PRIM2: variants seen among roughly 807,000 people sequenced by gnomAD.
The protein encoded by PRIM2 is DNA primase subunit 2.
In PRIM2, 39 loss-of-function variants were observed where a neutral mutation model predicts 67.3. That is an observed-to-expected ratio of 0.58 (90% confidence interval 0.45 to 0.76). PRIM2 has a LOEUF of 0.76. Among genes scored for constraint, PRIM2 ranks in the 30% least tolerant of loss-of-function variants. The pLI is 0.00. For missense variants in PRIM2, 398 were observed against 598.7 expected, an observed-to-expected ratio of 0.66 and a Z score of 3.50; for synonymous variants, 143 against 198.7, an observed-to-expected ratio of 0.72 and a Z score of 2.36.
At chr6:57,414,033 C>T (rs1771179339) in intron 7 of PRIM2, among the ~76,000 whole-genome samples, 1 of 152,038 alleles carries the variant, frequency 6.6e-6, no homozygotes, top group Admixed American at 6.6e-5. Context: ...TTGATGTGGA[C>T]TAGGCAGAAT....
the PRIM2 span, among the ~76,000 whole-genome samples, chr6:57,303,349 A>G: frequency 9.9e-5 from 15 of 151,984 alleles, no homozygotes; most frequent in Non-Finnish European, 2.1e-4. Flanking sequence ...CTGTCATCAT[A>G]TTTATTTATA....
intron 8 of PRIM2, among the ~76,000 whole-genome samples, chr6:57,521,873 C>A (rs1774631890): frequency 1.3e-5 from 2 of 151,548 alleles, no homozygotes; most frequent in African/African-American, 4.8e-5. Context: ...AGAGAAATAC[C>A]CCCTGAGGAT....
chr6:57,274,643 AC>A, the PRIM2 span, among the ~76,000 whole-genome samples: 1 of 152,056 alleles, frequency 6.6e-6, no homozygotes, highest in South Asian at 2.1e-4. Context: ...TCCTGCACCC[AC>A]TCACTGTCTG....
the PRIM2 span, among the ~76,000 whole-genome samples, chr6:57,306,363 T>C: frequency 2.6e-5 from 4 of 152,256 alleles, no homozygotes; most frequent in Admixed American, 2.0e-4. Context: ...AAGCTCCAGG[T>C]AGGATGAATT....
intron 10 of PRIM2, among the ~76,000 whole-genome samples, chr6:57,592,173 G>A (rs1776292025): frequency 1.3e-5 from 2 of 152,130 alleles, no homozygotes. Context: ...CTAGAGCCAG[G>A]AAAGAGGGAA....
intron 7 of PRIM2, among the ~76,000 whole-genome samples, chr6:57,448,822 C>G (rs1250121809): frequency 6.6e-6 from 1 of 152,102 alleles, no homozygotes; most frequent in Non-Finnish European, 1.5e-5. Flanking sequence ...GACATTAGGT[C>G]CTATTTATAA....
At chr6:57,329,179 G>T (rs978280245) in intron 5 of PRIM2, among the ~76,000 whole-genome samples, 4 of 150,092 alleles carry the variant, frequency 2.7e-5, no homozygotes, top group Non-Finnish European at 5.9e-5. Flanking sequence ...CTTGTCACTT[G>T]TGCTTTTGGT....
intron 8 of PRIM2, among the ~76,000 whole-genome samples, chr6:57,512,614 G>C (rs1334563120): frequency 9.3e-5 from 14 of 150,980 alleles, no homozygotes; most frequent in African/African-American, 3.4e-4. Context: ...TTTTTTTTGA[G>C]ACAAAGTCTC....
intron 7 of PRIM2, among the ~76,000 whole-genome samples, chr6:57,502,082 A>T (rs1774143616): frequency 1.3e-5 from 2 of 152,180 alleles, no homozygotes; most frequent in Admixed American, 6.5e-5. Flanking sequence ...GAACTATGTC[A>T]TGGTCACTCT....
intron 7 of PRIM2, among the ~76,000 whole-genome samples, chr6:57,401,933 G>T (rs1770721968): frequency 6.6e-6 from 1 of 152,210 alleles, no homozygotes; most frequent in Non-Finnish European, 1.5e-5. Flanking sequence ...GGGTAGCAAG[G>T]GCAGTTCTGC....
At chr6:57,618,020 C>T (rs1251869798) in intron 12 of PRIM2, among the ~76,000 whole-genome samples, 1 of 152,068 alleles carries the variant, frequency 6.6e-6, no homozygotes, top group Admixed American at 6.6e-5. Context: ...GGTCTTGCAC[C>T]CTTGTCAAAA....
At chr6:57,494,567 A>G (rs1457494863) in intron 7 of PRIM2, among the ~76,000 whole-genome samples, 3 of 152,188 alleles carry the variant, frequency 2.0e-5, no homozygotes, top group Admixed American at 2.0e-4. Context: ...TTAATACATT[A>G]AATTCAGGGG....
At chr6:57,355,269 A>C (rs1438666685) in intron 5 of PRIM2, among the ~76,000 whole-genome samples, 1 of 149,176 alleles carries the variant, frequency 6.7e-6, no homozygotes, top group Non-Finnish European at 1.5e-5. Flanking sequence ...GCGCCACTGC[A>C]CTCCAGCCTG....
In PRIM2 at chr6:57,484,285, G is replaced by C. The variant is rs1267897118; in HGVS notation, c.694-23102G>C. Among the ~76,000 whole-genome samples, 717 of 152,290 alleles carry C rather than the reference G, an allele frequency of 4.7e-3. 2 individuals carry two copies. The highest frequency in any genetic ancestry group is 8.0e-3 in the Non-Finnish European group (546 of 68,022). Reference sequence around the variant, plus strand: ...ATAACAGATTCTAAAGCCTGATGCAGGACAGTATTCACACAGATGTTGAAA... The same window carrying C: ...ATAACAGATTCTAAAGCCTGATGCACGACAGTATTCACACAGATGTTGAAA... On this transcript the variant is annotated intron_variant, in intron 7 of 13. Transcript: ENST00000615550.
At chr6:57,303,135 A>C in the PRIM2 span, among the ~76,000 whole-genome samples, 1 of 152,224 alleles carries the variant, frequency 6.6e-6, no homozygotes, top group Non-Finnish European at 1.5e-5. Context: ...TAGCTAAGAT[A>C]TCCACATAAA....
the PRIM2 span, among the ~76,000 whole-genome samples, chr6:57,223,466 T>C: frequency 6.6e-6 from 1 of 152,210 alleles, no homozygotes; most frequent in Non-Finnish European, 1.5e-5. Context: ...TGAATTATAA[T>C]TCACACTTAA....
chr6:57,262,450 C>T, the PRIM2 span, among the ~76,000 whole-genome samples: 5 of 152,190 alleles, frequency 3.3e-5, no homozygotes, highest in East Asian at 3.8e-4. Flanking sequence ...GCTCACCAGT[C>T]GTTCTTTCAC....
Position 57,562,907 on chromosome 6 carries a change from A to G in PRIM2, c.1020+25282A>G, listed in dbSNP as rs1250240179. ...TCCACACCATCACCATCTCTTATCT[A>G]ATTATTGCAATAGCTTCCTAATTCC... On this transcript the variant is annotated intron_variant, in intron 10 of 13. Coordinates refer to ENST00000615550, the MANE Select transcript of PRIM2 (RefSeq NM_000947.5). 3.9e-5 allele frequency among the ~76,000 whole-genome samples: 6 copies of G among 152,302 alleles called. No homozygotes were observed. In the South Asian group the frequency reaches 1.0e-3, roughly 26 times the overall value.
chr6:57,330,069 A>G (rs1418556629), intron 5 of PRIM2, among the ~76,000 whole-genome samples: 1 of 152,202 alleles, frequency 6.6e-6, no homozygotes, highest in Non-Finnish European at 1.5e-5. Flanking sequence ...CACTGGGATT[A>G]CATTGAATCT....
Sources: gnomAD v4.1 joint callset for allele counts (sites outside exome capture counted in the v4.1 genomes callset) on GRCh38, gnomAD v4.1.1 for gene constraint, MANE v1.5 for transcripts, NCBI Gene and HGNC (gene_info 2026-07-23, HGNC 2026-07-21) for gene names.